The following PCDH17 variants were observed in gnomAD, a reference collection of about 807,000 sequenced individuals.
PCDH17 encodes protocadherin-17.
PCDH17 carries 21 observed loss-of-function variants against 67.7 expected under a neutral mutation model. The observed-to-expected ratio is 0.31, with a 90% CI of 0.22 to 0.45. The LOEUF (loss-of-function observed/expected upper bound fraction) is 0.45. Among genes scored for constraint, PCDH17 ranks in the 20% least tolerant of loss-of-function variants. The pLI, the probability that PCDH17 is intolerant of heterozygous loss-of-function variation, is 1.00. For missense variants in PCDH17, 1,471 were observed against 1,564.8 expected, an observed-to-expected ratio of 0.94 and a Z score of 1.01; for synonymous variants, 701 against 656.7, an observed-to-expected ratio of 1.07 and a Z score of -1.03.
rs1162610485 is a variant in PCDH17, at chr13:57,725,495, G to T, written c.*201G>T. On this transcript the variant is annotated 3_prime_UTR_variant, in exon 4 of 4. Transcript: ENST00000377918. ...TCAGAGATAACAATGGTTTCGTTTT[G>T]ACCAAACTTGTATTAGGACAGAATT... The T allele has an allele frequency of 9.6e-6, 5 of 519,728 alleles. No homozygotes were observed. The highest frequency in any genetic ancestry group is 1.7e-5 in the Non-Finnish European group (5 of 295,412). The allele number at this position is 519,728 out of a possible 1,614,324, so 32.2% of individuals were successfully genotyped here.
chr13:57,635,167 C>T (rs1332008095), intron 1 of PCDH17, 56 bp downstream of exon 1: 1 of 1,578,390 alleles, frequency 6.3e-7, no homozygotes, highest in African/African-American at 1.4e-5. Flanking sequence ...TTGGAGCTGT[C>T]CTGAAACCTT....
At chr13:57,697,652 G>T (rs1955623558) in intron 3 of PCDH17, among the ~76,000 whole-genome samples, 1 of 151,510 alleles carries the variant, frequency 6.6e-6, no homozygotes, top group Non-Finnish European at 1.5e-5. Context: ...TTTCTATAGA[G>T]TCAAAAGTTA....
chr13:57,693,491 G>C (rs1017211520), intron 3 of PCDH17, among the ~76,000 whole-genome samples: 2 of 149,188 alleles, frequency 1.3e-5, no homozygotes, highest in African/African-American at 2.4e-5. Flanking sequence ...GAGTGGATGT[G>C]AGTCCTATAT....
At chr13:57,690,591 C>A (rs61961889) in intron 3 of PCDH17, among the ~76,000 whole-genome samples, 7,994 of 151,228 alleles carry the variant, frequency 0.053, 268 homozygotes, top group Middle Eastern at 0.097. Context: ...AAATTATGCA[C>A]CTGAAACTAA....
At chr13:57,687,694 A>G (rs1176683616) in intron 3 of PCDH17, among the ~76,000 whole-genome samples, 1 of 152,060 alleles carries the variant, frequency 6.6e-6, no homozygotes, top group Non-Finnish European at 1.5e-5. Context: ...TGATTAAAAT[A>G]TATAAAATAA....
chr13:57,646,413 T>C (rs1489353322), intron 1 of PCDH17, among the ~76,000 whole-genome samples: 1 of 151,688 alleles, frequency 6.6e-6, no homozygotes, highest in East Asian at 1.9e-4. Flanking sequence ...GGTTTTTCAT[T>C]TTTTTATTTG....
intron 1 of PCDH17, among the ~76,000 whole-genome samples, chr13:57,650,783 T>C (rs1182422297): frequency 1.3e-5 from 2 of 152,202 alleles, no homozygotes; most frequent in Non-Finnish European, 2.9e-5. Flanking sequence ...TAGAGTTCAA[T>C]TGCCTATAAT....
Position 57,725,441 on chromosome 13 carries a change from G to T in PCDH17, c.*147G>T. 1 of 657,416 alleles carries T rather than the reference G, an allele frequency of 1.5e-6. No individual in the cohort carries two copies. The highest frequency in any genetic ancestry group is 2.2e-5 in the South Asian group (1 of 45,658). The allele number at this position is 657,416 out of a possible 1,614,324, so 40.7% of individuals were successfully genotyped here. Reference sequence around the variant, plus strand: ...TAGTGAACATCTGAAGTGCCCACAAGTATGTTCTTTCCACTGCTGATTTCT... The same window carrying T: ...TAGTGAACATCTGAAGTGCCCACAATTATGTTCTTTCCACTGCTGATTTCT... On this transcript the variant is annotated 3_prime_UTR_variant, in exon 4 of 4. Coordinates refer to ENST00000377918, the MANE Select transcript of PCDH17 (RefSeq NM_001040429.3).
chr13:57,713,668 A>G (rs1955795493), intron 3 of PCDH17, among the ~76,000 whole-genome samples: 1 of 151,628 alleles, frequency 6.6e-6, no homozygotes, highest in South Asian at 2.1e-4. Flanking sequence ...TCCACTTCAT[A>G]GGAGACATTT....
chr13:57,706,710 G>A (rs1053396882), intron 3 of PCDH17, among the ~76,000 whole-genome samples: 1 of 152,096 alleles, frequency 6.6e-6, no homozygotes, highest in African/African-American at 2.4e-5. Context: ...GACAGGATGA[G>A]CAATAGACAA....
intron 3 of PCDH17, among the ~76,000 whole-genome samples, chr13:57,707,897 C>G (rs1406115717): frequency 6.6e-6 from 1 of 151,944 alleles, no homozygotes. Context: ...GGATTAAGGC[C>G]AACTCTATTC....
Position 57,632,450 on chromosome 13 carries a change from TCG to T in PCDH17, c.-89_-88del. ...AGGACCCATAGACTTGTGGCTCGCG[TCG>T]CGCGCGCACGCTGCGCCAGGGCCCC... On this transcript the variant is annotated 5_prime_UTR_variant, in exon 1 of 4. Coordinates refer to ENST00000377918, the MANE Select transcript of PCDH17 (RefSeq NM_001040429.3). The T allele has an allele frequency of 1.6e-6, 2 of 1,283,546 alleles. No homozygotes were observed. Among genetic ancestry groups the T allele is most frequent in the Non-Finnish European group, 1.1e-6 (1 of 943,288 alleles). The allele number at this position is 1,283,546 out of a possible 1,614,324, so 79.5% of individuals were successfully genotyped here.
chr13:57,665,452 T>C (rs906518193), intron 1 of PCDH17, among the ~76,000 whole-genome samples: 11 of 152,172 alleles, frequency 7.2e-5, no homozygotes, highest in Non-Finnish European at 2.9e-5. Flanking sequence ...CATTAAGTCT[T>C]ACCTTGGGCC....
intron 3 of PCDH17, among the ~76,000 whole-genome samples, chr13:57,679,021 T>C (rs375057988): frequency 2.0e-5 from 3 of 151,574 alleles, no homozygotes; most frequent in African/African-American, 7.2e-5. Flanking sequence ...CACATTAACA[T>C]TGTGTAGTGA....
intron 3 of PCDH17, among the ~76,000 whole-genome samples, chr13:57,714,799 A>T (rs189930412): frequency 5.5e-4 from 83 of 151,934 alleles, no homozygotes; most frequent in Middle Eastern, 3.4e-3. Flanking sequence ...TGTAAGATAC[A>T]GAGACAGCTC....
intron 3 of PCDH17, among the ~76,000 whole-genome samples, chr13:57,709,093 A>AAT (rs913077891): frequency 2.1e-5 from 3 of 144,092 alleles, no homozygotes; most frequent in African/African-American, 7.6e-5. Context: ...ATGTTACAGA[A>AAT]ATATATATAT....
intron 1 of PCDH17, among the ~76,000 whole-genome samples, chr13:57,647,374 G>C (rs1390454129): frequency 6.6e-6 from 1 of 151,574 alleles, no homozygotes; most frequent in Non-Finnish European, 1.5e-5. Flanking sequence ...CTTGGCTCTG[G>C]TCTCTTTTCT....
chr13:57,713,662 C>T (rs1955795472), intron 3 of PCDH17, among the ~76,000 whole-genome samples: 1 of 151,492 alleles, frequency 6.6e-6, no homozygotes, highest in African/African-American at 2.4e-5. Flanking sequence ...AAAGATTCCA[C>T]TTCATAGGAG....
chr13:57,715,069 G>A (rs1566246262), intron 3 of PCDH17, among the ~76,000 whole-genome samples: 1 of 151,740 alleles, frequency 6.6e-6, no homozygotes, highest in Non-Finnish European at 1.5e-5. Flanking sequence ...TATATGTCAG[G>A]CAGGATTTAT....
Sources: allele counts gnomAD v4.1 joint callset (sites outside exome capture counted in the v4.1 genomes callset), GRCh38; gene constraint gnomAD v4.1.1; transcripts MANE v1.5; gene names NCBI Gene and HGNC (gene_info 2026-07-23, HGNC 2026-07-21).